The following GGA2 variants were observed in gnomAD, a reference collection of about 807,000 sequenced individuals.
GGA2 encodes ADP-ribosylation factor-binding protein GGA2.
A neutral mutation model predicts 79.5 loss-of-function variants in GGA2; 48 were observed. The ratio of observed to expected loss-of-function variants is 0.60; its 90% confidence interval spans 0.48 to 0.77. The LOEUF (loss-of-function observed/expected upper bound fraction) is 0.77, where lower values mean the gene tolerates loss of function less well. GGA2 is among the 30% of genes least tolerant of loss of function. GGA2 has a pLI of 0.00. For missense variants in GGA2, 770 were observed against 774.0 expected, an observed-to-expected ratio of 0.99 and a Z score of 0.06; for synonymous variants, 317 against 302.0, an observed-to-expected ratio of 1.05 and a Z score of -0.51.
chr16:23,510,218 C>G (rs2142147373), intron 1 of GGA2, 103 bp downstream of exon 1: 1 of 660,118 alleles, frequency 1.5e-6, no homozygotes, highest in African/African-American at 1.9e-5. Flanking sequence ...CGGCCGCCGG[C>G]CTCCCCTGCG....
In GGA2 at chr16:23,465,317, G is replaced by C; in HGVS notation, c.*2273C>G. ...ACTTGTTAAGTGAATGAAGAGGTAG[G>C]AGCTGGGCTCTAAGTGGCCACTGGA... On this transcript the variant is annotated 3_prime_UTR_variant, in exon 17 of 17. Transcript: ENST00000309859. 1 of 702,724 alleles carries C rather than the reference G, an allele frequency of 1.4e-6. No homozygotes were observed. The highest frequency in any genetic ancestry group is 2.6e-6 in the Non-Finnish European group (1 of 384,786). The allele number at this position is 702,724 out of a possible 1,614,324, so 43.5% of individuals were successfully genotyped here.
chr16:23,508,680 C>T (rs1965002250), intron 1 of GGA2, among the ~76,000 whole-genome samples: 1 of 152,170 alleles, frequency 6.6e-6, no homozygotes, highest in Non-Finnish European at 1.5e-5. Context: ...AACCTCTGCT[C>T]TTAATATACG....
intron 1 of GGA2, among the ~76,000 whole-genome samples, chr16:23,505,501 G>T (rs1168568194): frequency 6.6e-6 from 1 of 152,122 alleles, no homozygotes; most frequent in East Asian, 1.9e-4. Context: ...CAAAATACAT[G>T]AAGTGGAAAA....
intron 15 of GGA2, 153 bp from the exon 16 acceptor site, chr16:23,469,149 GCAGA>G (rs1964479769): frequency 3.6e-6 from 2 of 555,024 alleles, no homozygotes; most frequent in Admixed American, 5.6e-5. Context: ...GGGAGCCCAA[GCAGA>G]CAGACTCCCA....
At position 23,488,684 on chromosome 16, in the gene GGA2, T is replaced by C. The variant is rs769265027; in HGVS notation, c.501A>G (p.Leu167=). 5.6e-6 allele frequency: 9 copies of C among 1,600,264 alleles called. No individual in the cohort carries two copies. In the South Asian group the frequency reaches 9.9e-5, roughly 18 times the overall value. The change falls in exon 6 of 17, where the codon CTA becomes CTG. Residue 167 remains leucine, a synonymous_variant. Transcript: ENST00000309859. ...GTGGGGGTAAGATTTTATCCACTGG[T>C]AGTTTAGGGTCTTGTTTTATAATTC... The part of the protein sequence containing the change: ...KQGIIKQDPK[L]PVDKILPPPS...
At chr16:23,484,278 C>T (rs1243862897) in intron 8 of GGA2, among the ~76,000 whole-genome samples, 5 of 152,018 alleles carry the variant, frequency 3.3e-5, no homozygotes, top group Non-Finnish European at 4.4e-5. Flanking sequence ...ATTAGCCAGG[C>T]GTGCTGGCAC....
At chr16:23,510,265 A>G in intron 1 of GGA2, 56 bp downstream of exon 1, 1 of 1,150,192 alleles carries the variant, frequency 8.7e-7, no homozygotes, top group Non-Finnish European at 1.2e-6. Context: ...GGAGGCGGGA[A>G]GCGAGGCCTC....
At chr16:23,505,972 C>T (rs955177933) in intron 1 of GGA2, among the ~76,000 whole-genome samples, 8 of 152,160 alleles carry the variant, frequency 5.3e-5, no homozygotes, top group African/African-American at 1.9e-4. Flanking sequence ...GTTTCAATTA[C>T]TTGCAGCTAT....
chr16:23,501,047 C>G (rs1964916237), intron 1 of GGA2: 1 of 357,568 alleles, frequency 2.8e-6, no homozygotes, highest in East Asian at 7.4e-5. Context: ...TATATTACAA[C>G]ATAAAGCACA....
intron 8 of GGA2, 127 bp from the exon 9 acceptor site, chr16:23,483,131 C>T: frequency 1.5e-6 from 1 of 677,338 alleles, no homozygotes; most frequent in Non-Finnish European, 2.7e-6. Flanking sequence ...CCCAATGGTC[C>T]TGACTTAGAG....
chr16:23,479,744 CCCA>C lies in GGA2; in HGVS notation c.1129+18_1129+20del, dbSNP rs1418596869. 6.2e-7 allele frequency: 1 copy of C among 1,613,126 alleles called. No homozygotes were observed. Among genetic ancestry groups the C allele is most frequent in the Non-Finnish European group, 8.5e-7 (1 of 1,179,728 alleles). On this transcript the variant is annotated intron_variant, in intron 11 of 16. Transcript: ENST00000309859. Reference sequence around the variant, plus strand: ...ACTCGCACCCATCCTGTGCCTGCTCCCCACAAGCACCTGCCCTCACCCAAGGCT... The same window carrying C: ...ACTCGCACCCATCCTGTGCCTGCTCCCAAGCACCTGCCCTCACCCAAGGCT...
At chr16:23,523,692 T>C (rs1302348795), upstream of GGA2, 5 of 152,216 alleles carry the variant, frequency 3.3e-5, no homozygotes, top group Non-Finnish European at 5.9e-5. Flanking sequence ...ATTCTTACGT[T>C]GAGAAACCCC....
In GGA2 at chr16:23,470,624, A is replaced by G. The variant is rs183252411; in HGVS notation, c.1451-459T>C. Reference sequence around the variant, plus strand: ...CTAAAAATACAAAAATTAGCTGGGCATGGTGGTACACACCTGTAATCCCAG... The same window carrying G: ...CTAAAAATACAAAAATTAGCTGGGCGTGGTGGTACACACCTGTAATCCCAG... On this transcript the variant is annotated intron_variant, in intron 14 of 16. Transcript: ENST00000309859. Among the ~76,000 whole-genome samples the G allele has an allele frequency of 1.6e-3, 248 of 152,082 alleles. 1 individual carries two copies. Among genetic ancestry groups the G allele is most frequent in the African/African-American group, 5.6e-3 (232 of 41,508 alleles).
chr16:23,472,596 T>A (rs1299306832), intron 14 of GGA2, among the ~76,000 whole-genome samples: 5 of 151,636 alleles, frequency 3.3e-5, no homozygotes, highest in African/African-American at 1.2e-4. Context: ...TAGTCCCAGC[T>A]ACTTGGGAGG....
At chr16:23,498,679 C>A (rs1375348528) in intron 1 of GGA2, among the ~76,000 whole-genome samples, 3 of 152,154 alleles carry the variant, frequency 2.0e-5, no homozygotes, top group African/African-American at 7.2e-5. Context: ...AGTAAGAGGT[C>A]TACAAAGGAT....
intron 5 of GGA2, among the ~76,000 whole-genome samples, chr16:23,490,782 G>A (rs1964773146): frequency 2.0e-5 from 3 of 151,304 alleles, no homozygotes; most frequent in Admixed American, 6.6e-5. Context: ...TCCACTAAAT[G>A]ATTACTGAAA....
chr16:23,487,626 G>A (rs1964731632), intron 6 of GGA2, among the ~76,000 whole-genome samples: 1 of 152,086 alleles, frequency 6.6e-6, no homozygotes, highest in Admixed American at 6.6e-5. Context: ...CAGGAAAAGT[G>A]GGGATAATGA....
rs866583915 is a variant in GGA2 at position 23,487,977 on chromosome 16, C to G, written c.579+629G>C. On this transcript the variant is annotated intron_variant, in intron 6 of 16. Coordinates refer to ENST00000309859, the MANE Select transcript of GGA2 (RefSeq NM_015044.4). ...CGCCAGCACTAGGCCAAAGGGCTCC[C>G]CACTCACAGGCACCACAGTTATCCC... Among the ~76,000 whole-genome samples the G allele has an allele frequency of 3.3e-4, 50 of 152,298 alleles. 1 individual carries two copies. Among genetic ancestry groups the G allele is most frequent in the African/African-American group, 6.5e-4 (27 of 41,562 alleles).
At chr16:23,509,435 C>G (rs1965010448) in intron 1 of GGA2, among the ~76,000 whole-genome samples, 1 of 152,164 alleles carries the variant, frequency 6.6e-6, no homozygotes, top group African/African-American at 2.4e-5. Context: ...GAACGCCCTC[C>G]TCCTCCTCGC....
Sources: allele counts gnomAD v4.1 joint callset (sites outside exome capture counted in the v4.1 genomes callset), GRCh38; gene constraint gnomAD v4.1.1; transcripts MANE v1.5; gene names NCBI Gene and HGNC (gene_info 2026-07-23, HGNC 2026-07-21).